The following TMEM108 variants were observed in gnomAD, a reference collection of about 807,000 sequenced individuals.
The protein encoded by TMEM108 is transmembrane protein 108.
A neutral mutation model predicts 35.1 loss-of-function variants in TMEM108; 12 were observed. That is an observed-to-expected ratio of 0.34 (90% CI 0.22 to 0.55). TMEM108 has a LOEUF of 0.55. Among genes scored for constraint, TMEM108 ranks in the 20% least tolerant of loss-of-function variants. The probability of loss-of-function intolerance (pLI) is 0.89; values close to 1 mark genes in which losing one functional copy is unlikely to be tolerated. For synonymous variants in TMEM108, 287 were observed against 308.6 expected (o/e 0.93, Z 0.73); for missense variants, 680 against 753.3 (o/e 0.90, Z 1.14).
At chr3:133,340,846 G>A (rs1239805440) in intron 3 of TMEM108, among the ~76,000 whole-genome samples, 1 of 151,560 alleles carries the variant, frequency 6.6e-6, no homozygotes, top group Admixed American at 6.6e-5. Context: ...TGCTAAAAAA[G>A]CATTCAACAA....
At chr3:133,090,926 T>G (rs1029298042) in intron 2 of TMEM108, among the ~76,000 whole-genome samples, 17 of 152,292 alleles carry the variant, frequency 1.1e-4, no homozygotes, top group African/African-American at 3.6e-4. Flanking sequence ...TTATCTGCTG[T>G]TTTTTACTTT....
intron 3 of TMEM108, among the ~76,000 whole-genome samples, chr3:133,287,772 T>G (rs1263537064): frequency 6.6e-6 from 1 of 152,188 alleles, no homozygotes; most frequent in East Asian, 1.9e-4. Context: ...TAGGGCCTCT[T>G]TTAGATTGGT....
intron 2 of TMEM108, among the ~76,000 whole-genome samples, chr3:133,146,292 C>A (rs1221504031): frequency 6.6e-6 from 1 of 152,186 alleles, no homozygotes; most frequent in Admixed American, 6.5e-5. Flanking sequence ...GTTGAACCAG[C>A]CTTGCATCCC....
intron 3 of TMEM108, among the ~76,000 whole-genome samples, chr3:133,230,740 G>T (rs923327931): frequency 7.9e-5 from 12 of 152,170 alleles, no homozygotes; most frequent in African/African-American, 2.9e-4. Context: ...TATGCCGATT[G>T]TATGCCCCAA....
chr3:133,388,772 T>C lies in TMEM108; in HGVS notation c.1451-1408T>C, dbSNP rs1427151643. 3.0e-6 allele frequency: 3 copies of C among 985,312 alleles called. No individual in the cohort carries two copies. In the African/African-American group the frequency reaches 5.2e-5, roughly 17 times the overall value. The allele number at this position is 985,312 out of a possible 1,614,324, so 61.0% of individuals were successfully genotyped here. On this transcript the variant is annotated intron_variant, in intron 4 of 5. Coordinates refer to ENST00000321871, the MANE Select transcript of TMEM108 (RefSeq NM_023943.4). ...AAGCTACAGAATTCCCCAGGCAGCC[T>C]ACAGGGCCCTGGGCTCTGGGCTGTG... is the stretch of plus-strand genomic sequence containing the variant.
intron 3 of TMEM108, among the ~76,000 whole-genome samples, chr3:133,290,251 A>G (rs1947043893): frequency 6.6e-6 from 1 of 152,210 alleles, no homozygotes; most frequent in African/African-American, 2.4e-5. Context: ...AAGAGGTGAG[A>G]GAACTATCAA....
At chr3:133,103,365 C>T (rs559207581) in intron 2 of TMEM108, among the ~76,000 whole-genome samples, 54 of 152,154 alleles carry the variant, frequency 3.5e-4, no homozygotes, top group African/African-American at 1.3e-3. Flanking sequence ...TTCTCACTTA[C>T]AAGTGAGAGC....
At chr3:133,190,641 A>T (rs964716901) in intron 2 of TMEM108, among the ~76,000 whole-genome samples, 1 of 152,200 alleles carries the variant, frequency 6.6e-6, no homozygotes, top group African/African-American at 2.4e-5. Context: ...AGAGCTGTGG[A>T]GAAATCACTT....
intron 2 of TMEM108, among the ~76,000 whole-genome samples, chr3:133,134,891 C>G (rs544217792): frequency 2.0e-5 from 3 of 152,248 alleles, no homozygotes; most frequent in South Asian, 2.1e-4. Flanking sequence ...CCAAGTCCCC[C>G]CTACCTGTTT....
At chr3:133,299,511 G>A (rs554014438) in intron 3 of TMEM108, among the ~76,000 whole-genome samples, 6 of 152,114 alleles carry the variant, frequency 3.9e-5, no homozygotes, top group Non-Finnish European at 7.3e-5. Flanking sequence ...TCTGCAGTAC[G>A]TTTATATAGA....
intron 2 of TMEM108, among the ~76,000 whole-genome samples, chr3:133,135,534 G>T (rs779143524): frequency 6.6e-6 from 1 of 152,158 alleles, no homozygotes; most frequent in African/African-American, 2.4e-5. Context: ...GGGCTGTGAC[G>T]AGCCTTAAAT....
At chr3:133,068,272 G>A (rs1943634592) in intron 2 of TMEM108, among the ~76,000 whole-genome samples, 1 of 152,130 alleles carries the variant, frequency 6.6e-6, no homozygotes, top group African/African-American at 2.4e-5. Context: ...ACTTAGCTGA[G>A]ACATGACCAA....
chr3:133,070,498 C>T, intron 2 of TMEM108, among the ~76,000 whole-genome samples: 1 of 152,094 alleles, frequency 6.6e-6, no homozygotes, highest in Non-Finnish European at 1.5e-5. Context: ...TTGGAAAAGG[C>T]TTAGAACCCT....
rs1381468406 is a variant in TMEM108 at position 133,209,711 on chromosome 3, C to T, written c.-46-19555C>T. The stretch of plus-strand genomic sequence containing the variant: ...CTCCATTGCCCCCACTCAGAATTTG[C>T]AGCATCAACTGTTTTCTCTCAGTCT... On this transcript the variant is annotated intron_variant, in intron 2 of 5. Transcript: ENST00000321871. Among the ~76,000 whole-genome samples the T allele has an allele frequency of 3.9e-5, 6 of 152,132 alleles. No individual in the cohort carries two copies. In the South Asian group the frequency reaches 1.2e-3, roughly 31 times the overall value.
At chr3:133,202,609 G>A (rs150194204) in intron 2 of TMEM108, among the ~76,000 whole-genome samples, 9 of 152,212 alleles carry the variant, frequency 5.9e-5, no homozygotes, top group Non-Finnish European at 1.3e-4. Flanking sequence ...TTGTAGATGT[G>A]TGGTATTATT....
At chr3:133,200,641 C>T (rs145206288) in intron 2 of TMEM108, among the ~76,000 whole-genome samples, 413 of 152,196 alleles carry the variant, frequency 2.7e-3, no homozygotes, top group Non-Finnish European at 4.5e-3. Flanking sequence ...AGAAGCATTG[C>T]CCACCCAATC....
chr3:133,238,000 AC>A (rs1219395364), intron 3 of TMEM108, among the ~76,000 whole-genome samples: 3 of 152,298 alleles, frequency 2.0e-5, no homozygotes, highest in African/African-American at 7.2e-5. Context: ...AGAACCTCTG[AC>A]CTAAAGGATA....
At chr3:133,260,072 G>A (rs1237643450) in intron 3 of TMEM108, among the ~76,000 whole-genome samples, 2 of 152,190 alleles carry the variant, frequency 1.3e-5, no homozygotes. Context: ...TCTGCACCTT[G>A]AGCCAGGTGT....
At chr3:133,327,463 T>A (rs6805892) in intron 3 of TMEM108, among the ~76,000 whole-genome samples, 51,455 of 152,008 alleles carry the variant, frequency 0.34, 9,091 homozygotes, top group East Asian at 0.48. Flanking sequence ...TCAGCTCTGC[T>A]CAGCCAGAGC....
Sources: gnomAD v4.1 joint callset for allele counts (sites outside exome capture counted in the v4.1 genomes callset) on GRCh38, gnomAD v4.1.1 for gene constraint, MANE v1.5 for transcripts, NCBI Gene and HGNC (gene_info 2026-07-23, HGNC 2026-07-21) for gene names.